RABGAP1L: variants seen among roughly 807,000 people sequenced by gnomAD.
RABGAP1L encodes the protein RAB GTPase activating protein 1 like, also known as rab GTPase-activating protein 1-like.
RABGAP1L carries 63 observed loss-of-function variants against 137.7 expected under a neutral mutation model. That is an observed-to-expected ratio of 0.46 (90% CI 0.37 to 0.56). The LOEUF (loss-of-function observed/expected upper bound fraction) is 0.56, where lower values mean the gene tolerates loss of function less well. Ranked by LOEUF, RABGAP1L falls within the 20% of genes least tolerant of loss-of-function variation. RABGAP1L has a pLI of 0.00. For synonymous variants in RABGAP1L, 431 were observed against 433.7 expected, an observed-to-expected ratio of 0.99 and a Z score of 0.08; for missense variants, 1,095 against 1,244.0, an observed-to-expected ratio of 0.88 and a Z score of 1.80.
At chr1:174,291,909 AT>A (rs560298998) in intron 10 of RABGAP1L, among the ~76,000 whole-genome samples, 1 of 137,162 alleles carries the variant, frequency 7.3e-6, no homozygotes, top group Non-Finnish European at 1.6e-5. Flanking sequence ...TGATTTTCTT[AT>A]TTTTTTTTCT....
intron 2 of RABGAP1L, among the ~76,000 whole-genome samples, chr1:174,220,182 T>G (rs1263798850): frequency 1.3e-5 from 2 of 152,268 alleles, no homozygotes; most frequent in East Asian, 3.9e-4. Flanking sequence ...GTAAGGAAAT[T>G]AGCAATATTC....
At chr1:174,559,524 A>G (rs1210452280) in intron 13 of RABGAP1L, among the ~76,000 whole-genome samples, 3 of 152,304 alleles carry the variant, frequency 2.0e-5, no homozygotes, top group Admixed American at 1.3e-4. Context: ...CATTCTCTCA[A>G]TGGAAATATT....
At chr1:174,356,825 C>T (rs1169229334) in intron 11 of RABGAP1L, among the ~76,000 whole-genome samples, 6 of 152,168 alleles carry the variant, frequency 3.9e-5, no homozygotes, top group Non-Finnish European at 7.4e-5. Flanking sequence ...GACTCAATAA[C>T]AATAATAGTA....
intron 19 of RABGAP1L, among the ~76,000 whole-genome samples, chr1:174,813,460 T>C (rs2148862885): frequency 6.6e-6 from 1 of 152,346 alleles, no homozygotes; most frequent in East Asian, 1.9e-4. Context: ...AGACTTCTTT[T>C]AGGCACCAGA....
intron 19 of RABGAP1L, among the ~76,000 whole-genome samples, chr1:174,904,193 T>G (rs1658643541): frequency 6.6e-6 from 1 of 152,060 alleles, no homozygotes; most frequent in Non-Finnish European, 1.5e-5. Context: ...TTCCCCAACT[T>G]AGAGTTTCTA....
chr1:174,757,887 G>T (rs997858664), intron 18 of RABGAP1L, among the ~76,000 whole-genome samples: 1 of 152,074 alleles, frequency 6.6e-6, no homozygotes, highest in Non-Finnish European at 1.5e-5. Context: ...GCCAGGCGTG[G>T]TGGTGGGCAC....
intron 18 of RABGAP1L, among the ~76,000 whole-genome samples, chr1:174,807,167 G>C (rs569491611): frequency 6.6e-6 from 1 of 152,138 alleles, no homozygotes; most frequent in Non-Finnish European, 1.5e-5. Flanking sequence ...TGTATGTAAT[G>C]ATGGGGTAAA....
intron 13 of RABGAP1L, among the ~76,000 whole-genome samples, chr1:174,616,296 A>G (rs1217440763): frequency 1.3e-5 from 2 of 152,152 alleles, no homozygotes; most frequent in African/African-American, 2.4e-5. Context: ...ATCTTTGGTT[A>G]TGGTACAAAT....
intron 14 of RABGAP1L, among the ~76,000 whole-genome samples, chr1:174,637,847 A>G (rs1674189131): frequency 6.6e-6 from 1 of 152,214 alleles, no homozygotes. Flanking sequence ...ACAACAGGCA[A>G]GTGTAAGAAT....
At chr1:174,546,079 C>T (rs1665985443) in intron 13 of RABGAP1L, among the ~76,000 whole-genome samples, 1 of 152,172 alleles carries the variant, frequency 6.6e-6, no homozygotes, top group South Asian at 2.1e-4. Flanking sequence ...TTTTTTAGAT[C>T]TAGCCTGTAA....
intron 14 of RABGAP1L, among the ~76,000 whole-genome samples, chr1:174,652,989 C>G (rs1165880615): frequency 6.6e-6 from 1 of 152,150 alleles, no homozygotes; most frequent in Non-Finnish European, 1.5e-5. Context: ...TTCAGAGAAG[C>G]CCTGCCTAGA....
chr1:174,642,859 A>G (rs1458599740), intron 14 of RABGAP1L, among the ~76,000 whole-genome samples: 4 of 148,642 alleles, frequency 2.7e-5, no homozygotes, highest in Non-Finnish European at 4.4e-5. Flanking sequence ...ATCTTGGTTC[A>G]TTGCAACTTC....
intron 13 of RABGAP1L, among the ~76,000 whole-genome samples, chr1:174,572,116 A>G (rs1160351205): frequency 1.3e-5 from 2 of 152,202 alleles, no homozygotes; most frequent in Non-Finnish European, 2.9e-5. Flanking sequence ...TTACATGGAC[A>G]TTTGAGATCG....
intron 13 of RABGAP1L, among the ~76,000 whole-genome samples, chr1:174,528,529 C>T (rs1161938557): frequency 2.0e-5 from 3 of 148,166 alleles, no homozygotes; most frequent in Admixed American, 1.3e-4. Context: ...ATACGTCATC[C>T]CATTTTCTCC....
chr1:174,903,186 C>T (rs187845915), intron 19 of RABGAP1L, among the ~76,000 whole-genome samples: 3 of 152,308 alleles, frequency 2.0e-5, no homozygotes, highest in East Asian at 3.9e-4. Context: ...TTCCAAGACA[C>T]ACAAGTACCA....
chr1:174,476,047 A>G (rs1448767529), intron 13 of RABGAP1L, among the ~76,000 whole-genome samples: 4 of 152,122 alleles, frequency 2.6e-5, no homozygotes, highest in Admixed American at 1.3e-4. Context: ...TTTGGCTCCA[A>G]CAAAGGTTAG....
At chr1:174,733,425 A>G (rs1044804458) in intron 17 of RABGAP1L, among the ~76,000 whole-genome samples, 2 of 152,142 alleles carry the variant, frequency 1.3e-5, no homozygotes, top group South Asian at 2.1e-4. Flanking sequence ...TTTGGTTTGC[A>G]CTGCTTTCCT....
At chr1:174,559,789 A>C (rs187718638) in intron 13 of RABGAP1L, among the ~76,000 whole-genome samples, 1 of 152,200 alleles carries the variant, frequency 6.6e-6, no homozygotes, top group Non-Finnish European at 1.5e-5. Context: ...CCAGAAGTCC[A>C]CCTACCAGTG....
intron 13 of RABGAP1L, among the ~76,000 whole-genome samples, chr1:174,626,329 A>T (rs978391923): frequency 1.3e-5 from 2 of 152,254 alleles, no homozygotes; most frequent in Non-Finnish European, 2.9e-5. Flanking sequence ...TAGTCTTTAA[A>T]GAATGCTTTG....
Sources: gnomAD v4.1 joint callset for allele counts (sites outside exome capture counted in the v4.1 genomes callset) on GRCh38, gnomAD v4.1.1 for gene constraint, MANE v1.5 for transcripts, NCBI Gene and HGNC (gene_info 2026-07-23, HGNC 2026-07-21) for gene names.